The following KCNIP4 variants were observed in gnomAD, a reference collection of about 807,000 sequenced individuals.
KCNIP4 encodes the protein Kv channel-interacting protein 4.
A neutral mutation model predicts 34.0 loss-of-function variants in KCNIP4; 12 were observed. That is an observed-to-expected ratio of 0.35 (90% CI 0.23 to 0.57). The LOEUF is 0.57. Ranked by LOEUF, KCNIP4 falls within the 20% of genes least tolerant of loss-of-function variation. The pLI is 0.83. For synonymous variants in KCNIP4, 124 were observed against 102.2 expected, an observed-to-expected ratio of 1.21 and a Z score of -1.29; for missense variants, 238 against 311.7, an observed-to-expected ratio of 0.76 and a Z score of 1.78.
intron 1 of KCNIP4, among the ~76,000 whole-genome samples, chr4:21,717,136 A>G (rs1473925910): frequency 6.6e-6 from 1 of 152,190 alleles, no homozygotes; most frequent in Non-Finnish European, 1.5e-5. Flanking sequence ...TTGGAGGGGT[A>G]TCCTGTGTAT....
At chr4:20,953,881 T>A (rs1237253470) in intron 1 of KCNIP4, among the ~76,000 whole-genome samples, 3 of 152,144 alleles carry the variant, frequency 2.0e-5, no homozygotes, top group Non-Finnish European at 4.4e-5. Context: ...CTTCTTCTTC[T>A]CCTAGAAATG....
intron 1 of KCNIP4, among the ~76,000 whole-genome samples, chr4:21,899,507 G>C (rs1405719302): frequency 1.3e-5 from 2 of 151,898 alleles, no homozygotes; most frequent in African/African-American, 2.4e-5. Flanking sequence ...ATCATTGTTT[G>C]AAGATAATAT....
At chr4:21,270,216 T>C (rs769784800) in intron 1 of KCNIP4, among the ~76,000 whole-genome samples, 3 of 152,090 alleles carry the variant, frequency 2.0e-5, no homozygotes, top group Non-Finnish European at 4.4e-5. Context: ...TTGGTCAAAT[T>C]AACACTTACA....
intron 1 of KCNIP4, among the ~76,000 whole-genome samples, chr4:21,341,281 G>A (rs772332899): frequency 6.6e-6 from 1 of 151,884 alleles, no homozygotes; most frequent in East Asian, 1.9e-4. Context: ...TTTGTTTTAC[G>A]CCACCCAATT....
At chr4:21,112,730 C>T (rs1749325593) in intron 1 of KCNIP4, among the ~76,000 whole-genome samples, 1 of 152,164 alleles carries the variant, frequency 6.6e-6, no homozygotes, top group Non-Finnish European at 1.5e-5. Flanking sequence ...TCTGGGAAAA[C>T]TGAGGCAGCC....
chr4:21,277,845 T>A (rs1488926118), intron 1 of KCNIP4, among the ~76,000 whole-genome samples: 1 of 152,144 alleles, frequency 6.6e-6, no homozygotes, highest in South Asian at 2.1e-4. Flanking sequence ...AAGAAATCCA[T>A]ACTGAGGCAC....
chr4:21,534,112 T>C (rs998254293), intron 1 of KCNIP4, among the ~76,000 whole-genome samples: 22 of 152,254 alleles, frequency 1.4e-4, no homozygotes, highest in Middle Eastern at 6.8e-3. Context: ...CTTTATAAAA[T>C]TGCAATAGGA....
intron 1 of KCNIP4, among the ~76,000 whole-genome samples, chr4:21,790,154 T>G (rs1406781772): frequency 1.3e-5 from 2 of 151,710 alleles, no homozygotes; most frequent in Non-Finnish European, 2.9e-5. Flanking sequence ...GTATTAAGTT[T>G]AAGCCATGGA....
intron 1 of KCNIP4, among the ~76,000 whole-genome samples, chr4:21,594,871 C>T (rs1322529218): frequency 1.3e-5 from 2 of 150,922 alleles, no homozygotes; most frequent in African/African-American, 2.5e-5. Context: ...TTAGAATCAA[C>T]ATTTGGCACA....
At chr4:21,724,983 C>T (rs538930551) in intron 1 of KCNIP4, among the ~76,000 whole-genome samples, 3 of 152,196 alleles carry the variant, frequency 2.0e-5, no homozygotes, top group African/African-American at 4.8e-5. Flanking sequence ...TCTGGAGTTG[C>T]TTTGTAAACA....
At chr4:21,850,213 T>C (rs1724288644) in intron 1 of KCNIP4, 1 of 152,054 alleles carries the variant, frequency 6.6e-6, no homozygotes, top group Admixed American at 6.6e-5. Flanking sequence ...CCACCAATAA[T>C]ACAGATGAAA....
chr4:21,159,252 G>A (rs1753395963), intron 1 of KCNIP4, among the ~76,000 whole-genome samples: 1 of 152,164 alleles, frequency 6.6e-6, no homozygotes, highest in African/African-American at 2.4e-5. Context: ...TGTGTCATTG[G>A]TGTAATAAAA....
chr4:20,827,291 T>C (rs1281615717), intron 3 of KCNIP4, among the ~76,000 whole-genome samples: 3 of 152,162 alleles, frequency 2.0e-5, no homozygotes, highest in Admixed American at 2.0e-4. Flanking sequence ...ATTTATTTTC[T>C]CACAGCTCTA....
chr4:21,504,520 AAAGC>A (rs1344660269), intron 1 of KCNIP4, among the ~76,000 whole-genome samples: 28 of 144,562 alleles, frequency 1.9e-4, no homozygotes, highest in African/African-American at 5.8e-4. Flanking sequence ...AGGAAGGAAG[AAAGC>A]AAGCAAGCAA....
chr4:21,066,427 T>G (rs980180798), intron 1 of KCNIP4, among the ~76,000 whole-genome samples: 2 of 152,124 alleles, frequency 1.3e-5, no homozygotes, highest in African/African-American at 4.8e-5. Flanking sequence ...GTGATCACAG[T>G]AGCTGGTTTT....
chr4:21,013,142 C>T (rs949500757), intron 1 of KCNIP4, among the ~76,000 whole-genome samples: 3 of 152,200 alleles, frequency 2.0e-5, no homozygotes, highest in South Asian at 4.1e-4. Context: ...AGGGTCTAAA[C>T]AGAGGAGGTA....
intron 1 of KCNIP4, among the ~76,000 whole-genome samples, chr4:21,478,970 A>G (rs557648161): frequency 6.6e-6 from 1 of 152,314 alleles, no homozygotes; most frequent in East Asian, 1.9e-4. Flanking sequence ...TGAAGGGTAG[A>G]CAGTCCTTTT....
In KCNIP4 at chr4:21,223,181, G is replaced by T. The variant is rs1758105774; in HGVS notation, c.62-340472C>A. 3.3e-5 allele frequency among the ~76,000 whole-genome samples: 5 copies of T among 152,092 alleles called. No individual in the cohort carries two copies. In the South Asian group the frequency reaches 8.3e-4, roughly 25 times the overall value. Reference sequence around the variant, plus strand: ...TATAAGTGGGAGGCAAGTGGGGCAGGGTCAGAAAAAGGTGATATAATCCTG... The same window carrying T: ...TATAAGTGGGAGGCAAGTGGGGCAGTGTCAGAAAAAGGTGATATAATCCTG... On this transcript the variant is annotated intron_variant, in intron 1 of 8. Coordinates refer to ENST00000382152, the MANE Select transcript of KCNIP4 (RefSeq NM_025221.6).
At chr4:21,566,339 T>C (rs953448864) in intron 1 of KCNIP4, among the ~76,000 whole-genome samples, 2 of 152,136 alleles carry the variant, frequency 1.3e-5, no homozygotes, top group Non-Finnish European at 2.9e-5. Context: ...TGTCAAATTG[T>C]AATTCCCAGT....
Sources: gnomAD v4.1 joint callset for allele counts (sites outside exome capture counted in the v4.1 genomes callset) on GRCh38, gnomAD v4.1.1 for gene constraint, MANE v1.5 for transcripts, NCBI Gene and HGNC (gene_info 2026-07-23, HGNC 2026-07-21) for gene names.